The following CAMTA1 variants were observed in gnomAD, a reference collection of about 807,000 sequenced individuals.
The protein encoded by CAMTA1 is calmodulin binding transcription activator 1, also known as calmodulin-binding transcription activator 1.
Under a neutral mutation model 170.9 loss-of-function variants are expected in CAMTA1, and 27 were observed. That is an observed-to-expected ratio of 0.16 (90% CI 0.12 to 0.22). The LOEUF (loss-of-function observed/expected upper bound fraction) is 0.22. Among genes scored for constraint, CAMTA1 ranks in the 10% least tolerant of loss-of-function variants. The pLI is 1.00. For synonymous variants in CAMTA1, 833 were observed against 891.5 expected, an observed-to-expected ratio of 0.93 and a Z score of 1.17; for missense variants, 1,619 against 2,217.2, an observed-to-expected ratio of 0.73 and a Z score of 5.42.
At chr1:7,475,640 G>A (rs1328340837) in intron 6 of CAMTA1, among the ~76,000 whole-genome samples, 1 of 152,220 alleles carries the variant, frequency 6.6e-6, no homozygotes, top group Non-Finnish European at 1.5e-5. Flanking sequence ...CACCGTGCAT[G>A]GCTCAGGAGA....
chr1:7,766,605 A>C lies in CAMTA1; in HGVS notation c.*114A>C, dbSNP rs2097026819. ...CACACGCACACACGCACACACACAC[A>C]CGTACACACACATACAAAATCCCTC... On this transcript the variant is annotated 3_prime_UTR_variant, in exon 23 of 23. Coordinates refer to ENST00000303635, the MANE Select transcript of CAMTA1 (RefSeq NM_015215.4). 1.2e-6 allele frequency: 1 copy of C among 839,520 alleles called. No individual in the cohort carries two copies. Among genetic ancestry groups the C allele is most frequent in the East Asian group, 2.6e-5 (1 of 39,140 alleles). 52.0% of individuals were successfully genotyped at this position (839,520 alleles called of 1,614,324 possible).
At chr1:7,710,551 C>T (rs570799142) in intron 11 of CAMTA1, among the ~76,000 whole-genome samples, 3 of 149,060 alleles carry the variant, frequency 2.0e-5, no homozygotes, top group South Asian at 4.2e-4. Context: ...GGGTGAGCCA[C>T]GATTACACCA....
chr1:7,051,669 G>C (rs902728601), intron 3 of CAMTA1, among the ~76,000 whole-genome samples: 1 of 151,932 alleles, frequency 6.6e-6, no homozygotes, highest in Non-Finnish European at 1.5e-5. Context: ...ATCCCTGCCA[G>C]GACAGACTCA....
chr1:6,886,522 A>G (rs1021903699), intron 3 of CAMTA1, among the ~76,000 whole-genome samples: 4 of 152,254 alleles, frequency 2.6e-5, no homozygotes, highest in African/African-American at 9.6e-5. Flanking sequence ...TGTTCTAGGT[A>G]CTTGTGACTT....
At chr1:7,280,829 A>G (rs72863541) in intron 5 of CAMTA1, among the ~76,000 whole-genome samples, 5,081 of 152,340 alleles carry the variant, frequency 0.033, 238 homozygotes, top group African/African-American at 0.1. Context: ...AGGAATTGTC[A>G]TAGTAATTGA....
chr1:6,857,303 G>A (rs560278160), intron 3 of CAMTA1, among the ~76,000 whole-genome samples: 4 of 152,360 alleles, frequency 2.6e-5, no homozygotes, highest in Non-Finnish European at 5.9e-5. Context: ...GAGAGACAGG[G>A]AGACATTGAG....
intron 11 of CAMTA1, among the ~76,000 whole-genome samples, chr1:7,703,746 G>C (rs2096468178): frequency 6.6e-6 from 1 of 152,126 alleles, no homozygotes; most frequent in Non-Finnish European, 1.5e-5. Context: ...ACAGGTCTTG[G>C]GGTCAGGCAC....
At chr1:7,621,335 C>T (rs1005341327) in intron 6 of CAMTA1, among the ~76,000 whole-genome samples, 6 of 152,254 alleles carry the variant, frequency 3.9e-5, no homozygotes, top group African/African-American at 1.4e-4. Context: ...AGCCAGAATA[C>T]GTTGTCACCG....
At chr1:7,552,276 C>G (rs1439631776) in intron 6 of CAMTA1, among the ~76,000 whole-genome samples, 2 of 152,238 alleles carry the variant, frequency 1.3e-5, no homozygotes, top group Non-Finnish European at 2.9e-5. Flanking sequence ...ACCGCCAAGT[C>G]CCAGAACAGG....
At chr1:7,186,160 GAGAGCAAA>G (rs748939707) in intron 4 of CAMTA1, among the ~76,000 whole-genome samples, 1 of 152,146 alleles carries the variant, frequency 6.6e-6, no homozygotes, top group Non-Finnish European at 1.5e-5. Context: ...GGTAGAGAGG[GAGAGCAAA>G]AGAGCAAAAG....
At chr1:7,377,652 A>G (rs1431722167) in intron 5 of CAMTA1, among the ~76,000 whole-genome samples, 1 of 152,190 alleles carries the variant, frequency 6.6e-6, no homozygotes, top group Non-Finnish European at 1.5e-5. Context: ...CCAGTCCACC[A>G]TCTGCTTTTA....
At chr1:7,445,764 C>A (rs1557727383) in intron 5 of CAMTA1, among the ~76,000 whole-genome samples, 1 of 152,222 alleles carries the variant, frequency 6.6e-6, no homozygotes, top group Non-Finnish European at 1.5e-5. Flanking sequence ...AGGTTGCCTC[C>A]TCTTCCTAAG....
At chr1:6,945,435 A>G (rs1328404845) in intron 3 of CAMTA1, among the ~76,000 whole-genome samples, 1 of 151,930 alleles carries the variant, frequency 6.6e-6, no homozygotes, top group Non-Finnish European at 1.5e-5. Flanking sequence ...TGCAGTCTCA[A>G]CCTCCTGGGT....
chr1:7,140,981 C>T lies in CAMTA1; in HGVS notation c.302+49610C>T, dbSNP rs369785828. 8.5e-5 allele frequency among the ~76,000 whole-genome samples: 13 copies of T among 152,268 alleles called. 1 individual carries two copies. The South Asian group carries it at 1.5e-3, about 17-fold the overall frequency. On this transcript the variant is annotated intron_variant, in intron 4 of 22. Coordinates refer to ENST00000303635, the MANE Select transcript of CAMTA1 (RefSeq NM_015215.4). Reference sequence around the variant, plus strand: ...CCTTTTCTTCCTTTCTGTCTACCGACAGAAGATGAAGTAGCATGACTGTTC... The same window carrying T: ...CCTTTTCTTCCTTTCTGTCTACCGATAGAAGATGAAGTAGCATGACTGTTC...
At chr1:7,476,544 C>T (rs2093422468) in intron 6 of CAMTA1, among the ~76,000 whole-genome samples, 1 of 152,098 alleles carries the variant, frequency 6.6e-6, no homozygotes, top group South Asian at 2.1e-4. Flanking sequence ...TTGAGGGGTC[C>T]CAGTTCCCAT....
chr1:6,855,673 T>C (rs1446981186), intron 3 of CAMTA1, among the ~76,000 whole-genome samples: 1 of 152,080 alleles, frequency 6.6e-6, no homozygotes, highest in Non-Finnish European at 1.5e-5. Context: ...AGATTCAAAC[T>C]TCATCACCAG....
chr1:7,629,693 A>T (rs914900960), intron 6 of CAMTA1, among the ~76,000 whole-genome samples: 4 of 152,020 alleles, frequency 2.6e-5, no homozygotes, highest in East Asian at 3.9e-4. Context: ...GCCCCTCCTC[A>T]GTTGGTGCTC....
chr1:6,862,345 C>A (rs966035736), intron 3 of CAMTA1, among the ~76,000 whole-genome samples: 4 of 152,184 alleles, frequency 2.6e-5, no homozygotes, highest in African/African-American at 9.7e-5. Context: ...CATGTTGGAG[C>A]ATGTGTTAGC....
chr1:7,460,231 C>A lies in CAMTA1; in HGVS notation c.439-7599C>A, dbSNP rs562881202. On this transcript the variant is annotated intron_variant, in intron 5 of 22. Transcript: ENST00000303635. ...CCCCTCTGCTTTGCATCCCTTTTGT[C>A]CACCTGGCCAATTCCCTCTCACCTT... 9.1e-4 allele frequency among the ~76,000 whole-genome samples: 138 copies of A among 152,360 alleles called. 2 individuals are homozygous for A. Among genetic ancestry groups the A allele is most frequent in the African/African-American group, 3.2e-3 (133 of 41,582 alleles).
Sources: allele counts gnomAD v4.1 joint callset (sites outside exome capture counted in the v4.1 genomes callset), GRCh38; gene constraint gnomAD v4.1.1; transcripts MANE v1.5; gene names NCBI Gene and HGNC (gene_info 2026-07-23, HGNC 2026-07-21).